Variants in LINGO2 observed in about 807,000 individuals in gnomAD.
The protein encoded by LINGO2 is leucine-rich repeat and immunoglobulin-like domain-containing nogo receptor-interacting protein 2.
A neutral mutation model predicts 30.6 loss-of-function variants in LINGO2; 14 were observed. The ratio of observed to expected loss-of-function variants is 0.46; its 90% CI spans 0.30 to 0.72. The LOEUF is 0.72. Among genes scored for constraint, LINGO2 ranks in the 30% least tolerant of loss-of-function variants. The pLI is 0.07. For missense variants in LINGO2, 729 were observed against 751.7 expected, an observed-to-expected ratio of 0.97 and a Z score of 0.35; for synonymous variants, 317 against 288.5, an observed-to-expected ratio of 1.10 and a Z score of -1.00.
the LINGO2 span, among the ~76,000 whole-genome samples, chr9:29,189,221 G>C: frequency 6.7e-6 from 1 of 150,268 alleles, no homozygotes; most frequent in Non-Finnish European, 1.5e-5. Context: ...AGGGGCGGCC[G>C]GGCAGAGGAG....
chr9:28,162,553 T>C (rs1461833889), intron 4 of LINGO2, among the ~76,000 whole-genome samples: 5 of 152,154 alleles, frequency 3.3e-5, no homozygotes, highest in Admixed American at 1.3e-4. Context: ...GATAAAATGC[T>C]TGAGAGATCA....
the LINGO2 span, among the ~76,000 whole-genome samples, chr9:28,998,262 T>A: frequency 1.4e-4 from 21 of 152,306 alleles, no homozygotes; most frequent in African/African-American, 5.1e-4. Flanking sequence ...CATACTTGAA[T>A]CATGCTATCT....
the LINGO2 span, among the ~76,000 whole-genome samples, chr9:28,966,453 T>G: frequency 6.6e-6 from 1 of 152,114 alleles, no homozygotes; most frequent in Non-Finnish European, 1.5e-5. Context: ...GATATTTTTT[T>G]TCCAGATAAA....
chr9:29,053,426 G>C, the LINGO2 span, among the ~76,000 whole-genome samples: 1 of 152,130 alleles, frequency 6.6e-6, no homozygotes, highest in Non-Finnish European at 1.5e-5. Context: ...TGGGGGGAAG[G>C]GGGAGGGATA....
chr9:28,678,388 C>T, the LINGO2 span, among the ~76,000 whole-genome samples: 1 of 152,032 alleles, frequency 6.6e-6, no homozygotes, highest in East Asian at 1.9e-4. Flanking sequence ...CTTAAATGCC[C>T]CTTCCAAATG....
At chr9:28,590,017 T>C (rs1824791628) in intron 1 of LINGO2, among the ~76,000 whole-genome samples, 1 of 152,164 alleles carries the variant, frequency 6.6e-6, no homozygotes, top group African/African-American at 2.4e-5. Flanking sequence ...TACAACCATC[T>C]GATCTTTGAC....
chr9:29,016,896 T>C, the LINGO2 span, among the ~76,000 whole-genome samples: 1 of 152,148 alleles, frequency 6.6e-6, no homozygotes, highest in Non-Finnish European at 1.5e-5. Flanking sequence ...CTTTGTGTTT[T>C]CTTCTGTAGC....
At chr9:28,580,140 C>G (rs1824187208) in intron 1 of LINGO2, among the ~76,000 whole-genome samples, 1 of 152,060 alleles carries the variant, frequency 6.6e-6, no homozygotes, top group African/African-American at 2.4e-5. Flanking sequence ...TGTTTCTTCA[C>G]TGGTATGTCC....
chr9:28,146,174 C>T (rs951675808), intron 4 of LINGO2, among the ~76,000 whole-genome samples: 2 of 152,158 alleles, frequency 1.3e-5, no homozygotes, highest in African/African-American at 2.4e-5. Flanking sequence ...CACAATCAGC[C>T]CCCTTCAGAT....
chr9:28,716,531 C>T, the LINGO2 span, among the ~76,000 whole-genome samples: 7 of 151,966 alleles, frequency 4.6e-5, no homozygotes, highest in African/African-American at 1.7e-4. Context: ...TATAGGATCA[C>T]GTATTTGTCA....
intron 3 of LINGO2, among the ~76,000 whole-genome samples, chr9:28,348,304 GC>G (rs1345875669): frequency 6.6e-6 from 1 of 152,166 alleles, no homozygotes; most frequent in Non-Finnish European, 1.5e-5. Context: ...CCGTGCACGA[GC>G]CAAAGCAGGG....
chr9:27,971,927 T>C (rs1820374983), intron 5 of LINGO2, among the ~76,000 whole-genome samples: 1 of 152,156 alleles, frequency 6.6e-6, no homozygotes, highest in African/African-American at 2.4e-5. Flanking sequence ...ATTAGTTTCA[T>C]TCCTTAAAAC....
the LINGO2 span, among the ~76,000 whole-genome samples, chr9:28,906,226 A>AT: frequency 6.6e-6 from 1 of 151,986 alleles, no homozygotes; most frequent in Non-Finnish European, 1.5e-5. Context: ...CAAGATATTT[A>AT]TTGTACAATA....
the LINGO2 span, among the ~76,000 whole-genome samples, chr9:28,761,933 T>C: frequency 3.3e-5 from 5 of 151,976 alleles, no homozygotes; most frequent in African/African-American, 1.2e-4. Context: ...TCATTCTATC[T>C]TTGCCTTCTC....
the LINGO2 span, among the ~76,000 whole-genome samples, chr9:29,193,219 C>G: frequency 6.6e-6 from 1 of 152,136 alleles, no homozygotes; most frequent in Non-Finnish European, 1.5e-5. Context: ...TTGTTTAGGA[C>G]CAAATATTAT....
chr9:28,180,735 A>G (rs1828887963), intron 4 of LINGO2, among the ~76,000 whole-genome samples: 1 of 152,182 alleles, frequency 6.6e-6, no homozygotes, highest in African/African-American at 2.4e-5. Flanking sequence ...CAGTTTATCC[A>G]ATAAATATCA....
the LINGO2 span, among the ~76,000 whole-genome samples, chr9:29,086,449 T>C: frequency 1.1e-3 from 173 of 152,176 alleles, 1 homozygote; most frequent in Non-Finnish European, 2.0e-3. Context: ...AACCTGAGCA[T>C]TAGTCTTAGT....
the LINGO2 span, among the ~76,000 whole-genome samples, chr9:28,861,667 A>T: frequency 5.3e-5 from 8 of 151,874 alleles, no homozygotes; most frequent in Non-Finnish European, 1.2e-4. Context: ...AGGAGACTGA[A>T]GTGGGATGAT....
At chr9:28,481,755 C>T (rs1473282502) in intron 1 of LINGO2, among the ~76,000 whole-genome samples, 1 of 151,872 alleles carries the variant, frequency 6.6e-6, no homozygotes, top group African/African-American at 2.4e-5. Flanking sequence ...GTATATCTCC[C>T]AATGCTATCC....
Sources: gnomAD v4.1 joint callset for allele counts (sites outside exome capture counted in the v4.1 genomes callset) on GRCh38, gnomAD v4.1.1 for gene constraint, MANE v1.5 for transcripts, NCBI Gene and HGNC (gene_info 2026-07-23, HGNC 2026-07-21) for gene names.